The following NAALAD2 variants were observed in gnomAD, a reference collection of about 807,000 sequenced individuals.
NAALAD2 encodes the protein N-acetylated-alpha-linked acidic dipeptidase 2.
A neutral mutation model predicts 95.6 loss-of-function variants in NAALAD2; 89 were observed. The ratio of observed to expected loss-of-function variants is 0.93; its 90% CI spans 0.78 to 1.11. NAALAD2 has a LOEUF of 1.11. NAALAD2 is among the 50% of genes least tolerant of loss of function. The pLI is 0.00. For missense variants in NAALAD2, 894 were observed against 872.4 expected (o/e 1.02, Z -0.31); for synonymous variants, 264 against 294.4 (o/e 0.90, Z 1.06).
Position 90,182,960 on chromosome 11 carries a change from A to G in NAALAD2, c.1985A>G (p.Glu662Gly), listed in dbSNP as rs1205291295. The G allele has an allele frequency of 1.2e-6, 2 of 1,612,534 alleles. No individual in the cohort carries two copies. Among genetic ancestry groups the G allele is most frequent in the East Asian group, 4.5e-5 (2 of 44,840 alleles). ...RMMNDQLMLL[E>G]RAFIDPLGLP... ...ATGAATGACCAACTGATGCTCCTGG[A>G]AAGAGCATTCATCGATCCTCTTGGT... The change falls in exon 18 of 19, where the codon GAA becomes GGA. Residue 662 changes from glutamate (E) to glycine (G), a missense_variant. Physicochemically the swap from Glu to Gly is moderately conservative, Grantham distance 98. Coordinates refer to ENST00000534061, the MANE Select transcript of NAALAD2 (RefSeq NM_005467.4).
chr11:90,187,089 C>T (rs1857168492), intron 18 of NAALAD2, among the ~76,000 whole-genome samples: 1 of 151,952 alleles, frequency 6.6e-6, no homozygotes, highest in Admixed American at 6.6e-5. Context: ...CATCACTGGC[C>T]ATCAGAGAAA....
intron 2 of NAALAD2, among the ~76,000 whole-genome samples, chr11:90,139,945 T>C (rs1294316109): frequency 2.6e-5 from 4 of 151,818 alleles, no homozygotes; most frequent in Admixed American, 6.6e-5. Flanking sequence ...GTCTACGGTA[T>C]ACCAAGCAAT....
At chr11:90,177,586 GTTTTTTTTTTTTTTTTTT>G (rs57694347) in intron 15 of NAALAD2, among the ~76,000 whole-genome samples, 163 of 28,444 alleles carry the variant, frequency 5.7e-3, no homozygotes, top group African/African-American at 0.02. Flanking sequence ...TCTTTTTCTT[GTTTTTTTTTTTTTTTTTT>G]TTTTTTTTTT....
intron 6 of NAALAD2, among the ~76,000 whole-genome samples, chr11:90,155,235 T>C (rs1952029306): frequency 7.9e-6 from 1 of 126,964 alleles, no homozygotes; most frequent in African/African-American, 2.9e-5. Flanking sequence ...TGTGTGTGTA[T>C]ATATTATATA....
chr11:90,134,517 C>G (rs1048829761), upstream of NAALAD2: 3 of 520,748 alleles, frequency 5.8e-6, no homozygotes, highest in African/African-American at 5.7e-5. Context: ...ACTGCGGGAT[C>G]CACAGAATGG....
intron 18 of NAALAD2, among the ~76,000 whole-genome samples, chr11:90,186,225 T>C (rs1857138006): frequency 1.3e-5 from 2 of 148,472 alleles, no homozygotes; most frequent in African/African-American, 4.9e-5. Context: ...CCCCTTCCTG[T>C]GTCCATGTGA....
intron 16 of NAALAD2, among the ~76,000 whole-genome samples, chr11:90,181,075 G>A (rs1023708854): frequency 2.0e-5 from 3 of 152,080 alleles, no homozygotes; most frequent in African/African-American, 7.2e-5. Context: ...AGGTATGACT[G>A]TACTGAGAAC....
intron 11 of NAALAD2, 200 bp downstream of exon 11, chr11:90,163,817 G>A: frequency 1.9e-6 from 1 of 528,874 alleles, no homozygotes; most frequent in Non-Finnish European, 3.3e-6. Flanking sequence ...ACTGCAGACA[G>A]AGTTATTGCC....
At chr11:90,150,247 C>T (rs966727273) in intron 4 of NAALAD2, among the ~76,000 whole-genome samples, 11 of 151,598 alleles carry the variant, frequency 7.3e-5, no homozygotes, top group Non-Finnish European at 1.5e-4. Flanking sequence ...AGTGAAATTC[C>T]GTCTCAAAAA....
chr11:90,137,896 C>T (rs1951491916), intron 2 of NAALAD2, among the ~76,000 whole-genome samples: 1 of 151,892 alleles, frequency 6.6e-6, no homozygotes, highest in South Asian at 2.1e-4. Context: ...ACCCACCTCA[C>T]CCTCCCACAG....
intron 8 of NAALAD2, among the ~76,000 whole-genome samples, chr11:90,160,079 T>C (rs1321895397): frequency 6.7e-6 from 1 of 148,282 alleles, no homozygotes; most frequent in Admixed American, 7.1e-5. Flanking sequence ...GTAAATCACA[T>C]AGTTACTATA....
Position 90,152,465 on chromosome 11 carries a change from T to G in NAALAD2, c.777T>G (p.Thr259=), listed in dbSNP as rs752340814. Residue 259 remains threonine (T), a synonymous_variant, in exon 6 of 19, where the codon ACT becomes ACG. Transcript: ENST00000534061. ...TGAATGGTGCTGGTGACCCACTCAC[T>G]CCAGGCTATCCAGCAAAAGGTAAGG... ...LNLNGAGDPL[T]PGYPAKEYTF... The G allele has an allele frequency of 2.5e-6, 4 of 1,610,802 alleles. No homozygotes were observed. The South Asian group carries it at 4.4e-5, about 18-fold the overall frequency.
chr11:90,168,283 G>A (rs1382356199), intron 11 of NAALAD2, among the ~76,000 whole-genome samples: 3 of 152,148 alleles, frequency 2.0e-5, no homozygotes, highest in African/African-American at 4.8e-5. Flanking sequence ...CGGACACGCC[G>A]CCTTTAAGAA....
At chr11:90,161,509 A>C (rs530249585) in intron 8 of NAALAD2, among the ~76,000 whole-genome samples, 1 of 152,178 alleles carries the variant, frequency 6.6e-6, no homozygotes, top group African/African-American at 2.4e-5. Flanking sequence ...GCAGTGAATA[A>C]AGTAGGCAAA....
At chr11:90,167,311 G>T (rs541391595) in intron 11 of NAALAD2, among the ~76,000 whole-genome samples, 1 of 152,340 alleles carries the variant, frequency 6.6e-6, no homozygotes, top group South Asian at 2.1e-4. Context: ...GCCCGGGGCA[G>T]TAAGGGGCTT....
chr11:90,183,930 A>G (rs1010596609), intron 18 of NAALAD2, among the ~76,000 whole-genome samples: 1 of 152,108 alleles, frequency 6.6e-6, no homozygotes, highest in Non-Finnish European at 1.5e-5. Flanking sequence ...TCCTATCTGT[A>G]TCTCTACATC....
At chr11:90,157,858 C>T (rs370791225) in intron 6 of NAALAD2, among the ~76,000 whole-genome samples, 5 of 151,926 alleles carry the variant, frequency 3.3e-5, no homozygotes, top group African/African-American at 1.2e-4. Flanking sequence ...GTAGCTGGGC[C>T]TACAGGCATG....
intron 1 of NAALAD2, 41 bp downstream of exon 1, chr11:90,134,881 G>GA: frequency 6.2e-7 from 1 of 1,601,278 alleles, no homozygotes; most frequent in Non-Finnish European, 8.6e-7. Flanking sequence ...CGGGGCTCGT[G>GA]ATTCTCTGCA....
intron 14 of NAALAD2, among the ~76,000 whole-genome samples, chr11:90,174,720 A>G (rs948437075): frequency 2.6e-5 from 4 of 151,670 alleles, no homozygotes; most frequent in African/African-American, 9.7e-5. Context: ...TTTATTTTAT[A>G]TTTATTTGTT....
Sources: gnomAD v4.1 joint callset for allele counts (sites outside exome capture counted in the v4.1 genomes callset) on GRCh38, gnomAD v4.1.1 for gene constraint, MANE v1.5 for transcripts, NCBI Gene and HGNC (gene_info 2026-07-23, HGNC 2026-07-21) for gene names.